Variants in STAB2 observed in about 807,000 individuals in gnomAD.
The protein encoded by STAB2 is stabilin-2.
In STAB2, 288 loss-of-function variants were observed where a neutral mutation model predicts 338.1. The observed-to-expected ratio is 0.85, with a 90% CI of 0.77 to 0.94. The LOEUF (loss-of-function observed/expected upper bound fraction) is 0.94, where lower values mean the gene tolerates loss of function less well. STAB2 is among the 40% of genes least tolerant of loss of function. The pLI is 0.00. For synonymous variants in STAB2, 1,202 were observed against 1,193.3 expected (o/e 1.01, Z -0.15); for missense variants, 3,141 against 3,210.1 (o/e 0.98, Z 0.52).
chr12:103,653,055 T>C (rs1873864840), intron 12 of STAB2, among the ~76,000 whole-genome samples: 1 of 152,204 alleles, frequency 6.6e-6, no homozygotes. Flanking sequence ...ATTCCTCTTA[T>C]AGAAGGAAAT....
chr12:103,735,857 A>G (rs1882077657), intron 52 of STAB2, among the ~76,000 whole-genome samples: 1 of 152,162 alleles, frequency 6.6e-6, no homozygotes, highest in Non-Finnish European at 1.5e-5. Flanking sequence ...TTTTTTGTGT[A>G]GAGCATTTTC....
intron 23 of STAB2, 114 bp downstream of exon 23, chr12:103,674,201 AC>A: frequency 8.2e-7 from 1 of 1,221,340 alleles, no homozygotes; most frequent in South Asian, 1.6e-5. Flanking sequence ...TGAACTCTGA[AC>A]TGAGGCCTGT....
Position 103,732,990 on chromosome 12 carries a change from A to T in STAB2, c.5284-16A>T, listed in dbSNP as rs1235104980. ...CCTTGCTCAAGCCAGCAAGGGGCTG[A>T]ATCCCTGTGTTTCAGGACTCAGGTT... On this transcript the variant is annotated splice_polypyrimidine_tract_variant and intron_variant, in intron 50 of 68. Coordinates refer to ENST00000388887, the MANE Select transcript of STAB2 (RefSeq NM_017564.10). 6.2e-7 allele frequency: 1 copy of T among 1,612,644 alleles called. No individual in the cohort carries two copies. The highest frequency in any genetic ancestry group is 8.5e-7 in the Non-Finnish European group (1 of 1,179,108).
intron 6 of STAB2, among the ~76,000 whole-genome samples, chr12:103,636,500 A>G (rs949779258): frequency 3.9e-5 from 6 of 151,918 alleles, no homozygotes; most frequent in Admixed American, 3.9e-4. Context: ...CTCACCTCCT[A>G]TAATGAAACC....
chr12:103,687,196 G>C (rs189970276), intron 27 of STAB2, among the ~76,000 whole-genome samples: 22 of 152,068 alleles, frequency 1.4e-4, no homozygotes, highest in East Asian at 3.9e-4. Flanking sequence ...CTGGAGCAAG[G>C]TTTCACCATA....
At chr12:103,644,376 C>G (rs945421600) in intron 9 of STAB2, among the ~76,000 whole-genome samples, 2 of 149,434 alleles carry the variant, frequency 1.3e-5, no homozygotes, top group Non-Finnish European at 3.0e-5. Flanking sequence ...TCTCAAGTAC[C>G]CAGGGACACA....
chr12:103,689,874 C>T lies in STAB2; in HGVS notation c.3074C>T (p.Ala1025Val), dbSNP rs1239987277. The change falls in exon 29 of 69, where the codon GCC becomes GTC. Residue 1025 changes from alanine (A) to valine (V), a missense_variant. Transcript: ENST00000388887. The stretch of plus-strand genomic sequence containing the variant: ...GCTTCTCTACAACCCACACTGTCAG[C>T]CACCTCAAACCTCACTGTCCTCGTG... ...NNASLQPTLS[A>V]TSNLTVLVPS... 3.7e-6 allele frequency: 6 copies of T among 1,613,908 alleles called. No homozygotes were observed. In the African/African-American group the frequency reaches 8.0e-5, roughly 22 times the overall value.
At chr12:103,740,514 A>C in intron 54 of STAB2, 116 bp from the exon 55 acceptor site, 1 of 1,417,102 alleles carries the variant, frequency 7.1e-7, no homozygotes, top group Non-Finnish European at 9.3e-7. Context: ...CTCACACTGG[A>C]AGTCCCATTT....
chr12:103,658,957 T>A (rs1874395473), intron 15 of STAB2, among the ~76,000 whole-genome samples: 1 of 152,164 alleles, frequency 6.6e-6, no homozygotes, highest in African/African-American at 2.4e-5. Flanking sequence ...GTAATAACAT[T>A]GCTTCTGCCT....
chr12:103,749,969 A>G (rs1883478951), intron 59 of STAB2, among the ~76,000 whole-genome samples: 1 of 151,016 alleles, frequency 6.6e-6, no homozygotes, highest in East Asian at 1.9e-4. Flanking sequence ...TTGCTTTTGC[A>G]TCTTACCTCC....
At chr12:103,623,912 G>C (rs752364294) in intron 5 of STAB2, among the ~76,000 whole-genome samples, 1 of 152,166 alleles carries the variant, frequency 6.6e-6, no homozygotes, top group African/African-American at 2.4e-5. Context: ...TAGCTGGAAT[G>C]CTCACAATCG....
At chr12:103,754,432 T>C (rs893374701) in intron 61 of STAB2, among the ~76,000 whole-genome samples, 1 of 152,068 alleles carries the variant, frequency 6.6e-6, no homozygotes, top group African/African-American at 2.4e-5. Context: ...ATTTTCTCAA[T>C]TGTATAAGGA....
At chr12:103,707,500 G>C (rs1316977096) in intron 38 of STAB2, among the ~76,000 whole-genome samples, 1 of 152,190 alleles carries the variant, frequency 6.6e-6, no homozygotes, top group East Asian at 1.9e-4. Flanking sequence ...TGACTCCAAA[G>C]CTTGCTTTTA....
intron 3 of STAB2, among the ~76,000 whole-genome samples, chr12:103,601,911 T>G (rs572679197): frequency 6.6e-6 from 1 of 152,344 alleles, no homozygotes; most frequent in Admixed American, 6.5e-5. Context: ...TTTTGGATAT[T>G]AATTGCCTTT....
At chr12:103,680,254 A>G (rs1415976952) in intron 25 of STAB2, among the ~76,000 whole-genome samples, 8 of 152,236 alleles carry the variant, frequency 5.3e-5, no homozygotes, top group Non-Finnish European at 2.9e-5. Flanking sequence ...CCCCTTAACT[A>G]TACATTTTTA....
In STAB2 at chr12:103,715,852, C is replaced by A; in HGVS notation, c.4575C>A (p.Asp1525Glu). 1 of 1,614,054 alleles carries A rather than the reference C, an allele frequency of 6.2e-7. No individual in the cohort carries two copies. The part of the protein sequence containing the change: ...NPCLENHGGC[D>E]KNAECTQTGP... ...GTTTGGAGAACCATGGTGGCTGTGA[C>A]AAGAATGCGGAGTGCACACAGACAG... Residue 1525 changes from aspartate (D) to glutamate (E), a missense_variant, in exon 43 of 69, where the codon GAC (aspartate) becomes GAA (glutamate). Coordinates refer to ENST00000388887, the MANE Select transcript of STAB2 (RefSeq NM_017564.10).
intron 5 of STAB2, among the ~76,000 whole-genome samples, chr12:103,627,523 C>A (rs1957398874): frequency 1.3e-5 from 2 of 152,222 alleles, no homozygotes; most frequent in African/African-American, 4.8e-5. Flanking sequence ...TAGCAAGTAC[C>A]AAGGGCTCTT....
chr12:103,686,032 A>G (rs1461314819), intron 27 of STAB2, among the ~76,000 whole-genome samples: 1 of 152,160 alleles, frequency 6.6e-6, no homozygotes, highest in Admixed American at 6.5e-5. Flanking sequence ...CTACAACCAT[A>G]AACTCTTGAA....
chr12:103,697,591 A>G (rs1566024037), intron 33 of STAB2, among the ~76,000 whole-genome samples: 2 of 152,216 alleles, frequency 1.3e-5, no homozygotes, highest in African/African-American at 4.8e-5. Flanking sequence ...ATTTAAAACT[A>G]GTTCTTCCTC....
Sources: allele counts gnomAD v4.1 joint callset (sites outside exome capture counted in the v4.1 genomes callset), GRCh38; gene constraint gnomAD v4.1.1; transcripts MANE v1.5; gene names NCBI Gene and HGNC (gene_info 2026-07-23, HGNC 2026-07-21).